Variants in CSMD1 observed in about 807,000 individuals in gnomAD.
CSMD1 encodes CUB and Sushi multiple domains 1.
Under a neutral mutation model 417.5 loss-of-function variants are expected in CSMD1, and 213 were observed. The ratio of observed to expected loss-of-function variants is 0.51; its 90% confidence interval spans 0.46 to 0.57. The LOEUF is 0.57. Among genes scored for constraint, CSMD1 ranks in the 20% least tolerant of loss-of-function variants. The pLI is 0.00. For synonymous variants in CSMD1, 2,862 were observed against 1,736.8 expected (o/e 1.65, Z -16.11); for missense variants, 6,923 against 4,529.7 (o/e 1.53, Z -15.17).
intron 2 of CSMD1, among the ~76,000 whole-genome samples, chr8:4,592,364 T>C (rs1162751116): frequency 1.3e-5 from 2 of 151,894 alleles, no homozygotes; most frequent in Admixed American, 1.3e-4. Flanking sequence ...AAAAATATAC[T>C]CTTCCGTATT....
intron 25 of CSMD1, among the ~76,000 whole-genome samples, chr8:3,290,224 C>A (rs563051730): frequency 6.8e-6 from 1 of 147,476 alleles, no homozygotes; most frequent in South Asian, 2.1e-4. Context: ...GTTTTGGTTA[C>A]TGTAGCCTTG....
In CSMD1 at chr8:3,255,109, G is replaced by A. The variant is rs191627849; in HGVS notation, c.4154-24878C>T. Among the ~76,000 whole-genome samples the A allele has an allele frequency of 3.7e-4, 57 of 152,224 alleles. No individual in the cohort carries two copies. The East Asian group carries it at 5.4e-3, about 14-fold the overall frequency. ...GTAACAGTCAGGACCCTCAGCTGCC[G>A]GTCTCTTGGAGTTTGCGGAGGTCCA... On this transcript the variant is annotated intron_variant, in intron 26 of 69. Coordinates refer to ENST00000635120, the MANE Select transcript of CSMD1 (RefSeq NM_033225.6).
intron 3 of CSMD1, among the ~76,000 whole-genome samples, chr8:4,324,401 G>T (rs1009708352): frequency 6.6e-6 from 1 of 152,188 alleles, no homozygotes; most frequent in Non-Finnish European, 1.5e-5. Flanking sequence ...GCAAGGAGGG[G>T]TTCCTCACCC....
At chr8:3,628,760 C>A (rs79209197) in intron 7 of CSMD1, among the ~76,000 whole-genome samples, 4 of 152,106 alleles carry the variant, frequency 2.6e-5, no homozygotes, top group African/African-American at 9.7e-5. Flanking sequence ...AAGTGACCAG[C>A]GCCTACAGCC....
At chr8:3,559,201 A>C (rs1799359798) in intron 10 of CSMD1, among the ~76,000 whole-genome samples, 1 of 152,210 alleles carries the variant, frequency 6.6e-6, no homozygotes, top group South Asian at 2.1e-4. Flanking sequence ...TTGGGCAATA[A>C]GTATCAATAT....
intron 3 of CSMD1, among the ~76,000 whole-genome samples, chr8:4,157,285 G>A (rs548468329): frequency 2.6e-5 from 4 of 152,312 alleles, no homozygotes; most frequent in Admixed American, 2.0e-4. Context: ...GTTTAGTGAT[G>A]CAATTGCAGA....
chr8:4,067,949 C>G (rs1420057507), intron 3 of CSMD1, among the ~76,000 whole-genome samples: 1 of 152,058 alleles, frequency 6.6e-6, no homozygotes, highest in Non-Finnish European at 1.5e-5. Context: ...TGGTGGTGCG[C>G]TCCTGTAATC....
intron 52 of CSMD1, among the ~76,000 whole-genome samples, chr8:3,007,945 A>G (rs970802508): frequency 1.3e-5 from 2 of 152,108 alleles, no homozygotes; most frequent in African/African-American, 2.4e-5. Context: ...AAACTTAAAA[A>G]AAGAAAGCTT....
At chr8:3,714,267 C>G (rs1176206185) in intron 6 of CSMD1, among the ~76,000 whole-genome samples, 1 of 150,896 alleles carries the variant, frequency 6.6e-6, no homozygotes, top group East Asian at 1.9e-4. Context: ...TTTAATTTGT[C>G]TTACAATTAT....
At chr8:4,877,923 T>C (rs1563655166) in intron 1 of CSMD1, among the ~76,000 whole-genome samples, 1 of 152,010 alleles carries the variant, frequency 6.6e-6, no homozygotes, top group Non-Finnish European at 1.5e-5. Flanking sequence ...TCATGTACAA[T>C]GGGAAAGGGA....
intron 4 of CSMD1, among the ~76,000 whole-genome samples, chr8:4,023,882 G>T (rs958457212): frequency 6.7e-6 from 1 of 149,310 alleles, no homozygotes; most frequent in South Asian, 2.1e-4. Context: ...CTCCCAAAGT[G>T]CTGGGATTAC....
At chr8:3,601,151 G>C (rs1387078864) in intron 8 of CSMD1, among the ~76,000 whole-genome samples, 1 of 152,158 alleles carries the variant, frequency 6.6e-6, no homozygotes, top group Admixed American at 6.5e-5. Flanking sequence ...TGGCTTCTGA[G>C]ATCTACCAGT....
At chr8:3,518,998 T>A (rs1797394352) in intron 10 of CSMD1, among the ~76,000 whole-genome samples, 1 of 152,216 alleles carries the variant, frequency 6.6e-6, no homozygotes, top group Non-Finnish European at 1.5e-5. Context: ...ATAAATGATC[T>A]GTTTTTAAAC....
intron 2 of CSMD1, among the ~76,000 whole-genome samples, chr8:4,424,594 G>A (rs961221688): frequency 2.6e-5 from 4 of 152,018 alleles, no homozygotes; most frequent in East Asian, 1.9e-4. Context: ...CTCTTATACT[G>A]CTGGTGGAAA....
At chr8:3,312,841 C>T (rs1044964723) in intron 23 of CSMD1, among the ~76,000 whole-genome samples, 1 of 152,132 alleles carries the variant, frequency 6.6e-6, no homozygotes, top group African/African-American at 2.4e-5. Flanking sequence ...GACACTTTGA[C>T]CCCTAGGCTG....
chr8:3,990,336 C>T (rs993859929), intron 5 of CSMD1, among the ~76,000 whole-genome samples: 1 of 152,054 alleles, frequency 6.6e-6, no homozygotes, highest in Admixed American at 6.6e-5. Context: ...AGAAATCTGA[C>T]ATGAGAGAAA....
intron 26 of CSMD1, among the ~76,000 whole-genome samples, chr8:3,233,027 A>G (rs1798931231): frequency 6.6e-6 from 1 of 151,900 alleles, no homozygotes; most frequent in Admixed American, 6.6e-5. Flanking sequence ...GACATAGTTG[A>G]CTGATGATTG....
chr8:2,989,289 C>T (rs1806181904), intron 54 of CSMD1, among the ~76,000 whole-genome samples: 1 of 152,016 alleles, frequency 6.6e-6, no homozygotes, highest in African/African-American at 2.4e-5. Flanking sequence ...TTGTTTTTTC[C>T]TGTTTTAATA....
chr8:4,222,042 G>C (rs374000472), intron 3 of CSMD1, among the ~76,000 whole-genome samples: 31 of 14,680 alleles, frequency 2.1e-3, no homozygotes, highest in African/African-American at 4.8e-3. Context: ...TCTAGAGTAT[G>C]AGAAGACATC....
Sources: gnomAD v4.1 joint callset for allele counts (sites outside exome capture counted in the v4.1 genomes callset) on GRCh38, gnomAD v4.1.1 for gene constraint, MANE v1.5 for transcripts, NCBI Gene and HGNC (gene_info 2026-07-23, HGNC 2026-07-21) for gene names.